LIN7A: variants seen among roughly 807,000 people sequenced by gnomAD.
The protein encoded by LIN7A is protein lin-7 homolog A.
A neutral mutation model predicts 29.8 loss-of-function variants in LIN7A; 25 were observed. The observed-to-expected ratio is 0.84, with a 90% confidence interval of 0.61 to 1.17. The LOEUF (loss-of-function observed/expected upper bound fraction) is 1.17. LIN7A is among the 50% of genes most tolerant of loss of function. LIN7A has a pLI of 0.00. For synonymous variants in LIN7A, 118 were observed against 107.5 expected, an observed-to-expected ratio of 1.10 and a Z score of -0.60; for missense variants, 239 against 287.0, an observed-to-expected ratio of 0.83 and a Z score of 1.21.
chr12:80,821,004 G>T (rs1257983555), intron 4 of LIN7A, among the ~76,000 whole-genome samples: 1 of 152,194 alleles, frequency 6.6e-6, no homozygotes, highest in Non-Finnish European at 1.5e-5. Flanking sequence ...TAGGGAAAGG[G>T]TTATGGAAGT....
chr12:80,925,338 A>G (rs1289231320), intron 1 of LIN7A, among the ~76,000 whole-genome samples: 4 of 152,226 alleles, frequency 2.6e-5, no homozygotes, highest in Admixed American at 6.5e-5. Flanking sequence ...TTATTTGAAC[A>G]TCCAGGTATC....
At chr12:80,844,499 G>C (rs1872967645) in intron 4 of LIN7A, among the ~76,000 whole-genome samples, 1 of 152,116 alleles carries the variant, frequency 6.6e-6, no homozygotes, top group African/African-American at 2.4e-5. Context: ...AATTACATTT[G>C]ATTTTGGATA....
chr12:80,816,999 C>T (rs554809687), intron 4 of LIN7A, among the ~76,000 whole-genome samples: 2 of 152,226 alleles, frequency 1.3e-5, no homozygotes, highest in African/African-American at 4.8e-5. Flanking sequence ...AACTCCTGGG[C>T]TCAAGTGATG....
intron 1 of LIN7A, among the ~76,000 whole-genome samples, chr12:80,914,832 G>A (rs903988278): frequency 6.6e-6 from 1 of 152,114 alleles, no homozygotes; most frequent in African/African-American, 2.4e-5. Flanking sequence ...CTTGAGCCTA[G>A]AAGCTTAAGA....
At chr12:80,879,645 C>CAAA (rs530877505) in intron 2 of LIN7A, among the ~76,000 whole-genome samples, 5,433 of 58,498 alleles carry the variant, frequency 0.093, 1,469 homozygotes, top group Non-Finnish European at 0.11. Flanking sequence ...TGGAGCAGCC[C>CAAA]AAAAAAAAAA....
At chr12:80,862,751 T>G (rs934290962) in intron 2 of LIN7A, among the ~76,000 whole-genome samples, 6 of 152,262 alleles carry the variant, frequency 3.9e-5, no homozygotes, top group Admixed American at 3.3e-4. Flanking sequence ...ACTAAATAGA[T>G]GGCAAAAAGC....
At chr12:80,909,725 T>C (rs1183338316) in intron 1 of LIN7A, among the ~76,000 whole-genome samples, 26 of 152,292 alleles carry the variant, frequency 1.7e-4, no homozygotes, top group Non-Finnish European at 1.0e-4. Flanking sequence ...GAAGTTATTA[T>C]TTCAACATAC....
At chr12:80,845,134 G>T (rs1565899211) in intron 4 of LIN7A, among the ~76,000 whole-genome samples, 1 of 151,714 alleles carries the variant, frequency 6.6e-6, no homozygotes, top group Non-Finnish European at 1.5e-5. Context: ...CTACTTGGGA[G>T]GCTGAGGCAG....
At position 80,845,924 on chromosome 12, in the gene LIN7A, A is replaced by G; in HGVS notation, c.289T>C (p.Phe97Leu). ...RATAKATVAAFAASEGHSHPR... is the reference protein window; with the variant it reads ...RATAKATVAALAASEGHSHPR... The stretch of plus-strand genomic sequence containing the variant: ...TGGGAGTGGCCTTCACTAGCTGCAA[A>G]AGCTGCAACTGTTGCCTGAAAAAAA... The change falls in exon 4 of 6, where the codon TTT becomes CTT. Residue 97 changes from phenylalanine to leucine, a missense_variant. Phe to Leu is a conservative substitution (Grantham distance 22, BLOSUM62 0). Transcript: ENST00000552864. 6.3e-7 allele frequency: 1 copy of G among 1,594,698 alleles called. No individual in the cohort carries two copies.
intron 1 of LIN7A, among the ~76,000 whole-genome samples, chr12:80,921,178 C>G (rs1388916374): frequency 1.3e-5 from 2 of 152,066 alleles, no homozygotes; most frequent in Non-Finnish European, 2.9e-5. Flanking sequence ...GAGGACACAG[C>G]AAGAAGGTGT....
chr12:80,932,402 C>T (rs183869329), intron 1 of LIN7A, among the ~76,000 whole-genome samples: 57 of 152,254 alleles, frequency 3.7e-4, no homozygotes, highest in East Asian at 1.4e-3. Context: ...TTTTAAATTA[C>T]GACTTATTTT....
chr12:80,818,049 G>A (rs2121515602), intron 4 of LIN7A, among the ~76,000 whole-genome samples: 1 of 152,284 alleles, frequency 6.6e-6, no homozygotes, highest in African/African-American at 2.4e-5. Flanking sequence ...ACTTTGAAAA[G>A]GCCCAGTATA....
chr12:80,933,511 T>A (rs1263986423), intron 1 of LIN7A, among the ~76,000 whole-genome samples: 1 of 152,208 alleles, frequency 6.6e-6, no homozygotes, highest in East Asian at 1.9e-4. Flanking sequence ...CAGGCCCTTC[T>A]CTGTTATTCT....
intron 2 of LIN7A, among the ~76,000 whole-genome samples, chr12:80,855,843 A>G (rs1317872534): frequency 4.6e-5 from 7 of 152,170 alleles, no homozygotes; most frequent in Admixed American, 4.6e-4. Context: ...TGTGAAAATA[A>G]CTGATTCATC....
intron 1 of LIN7A, among the ~76,000 whole-genome samples, chr12:80,909,284 G>A (rs557229209): frequency 6.6e-6 from 1 of 152,120 alleles, no homozygotes; most frequent in African/African-American, 2.4e-5. Context: ...ATATTTGTGG[G>A]CCTGTTTCTG....
At chr12:80,816,376 A>G (rs1460444400) in intron 4 of LIN7A, among the ~76,000 whole-genome samples, 1 of 151,234 alleles carries the variant, frequency 6.6e-6, no homozygotes, top group Middle Eastern at 3.2e-3. Flanking sequence ...GTGTCACTGC[A>G]CTCTAGCCTA....
At chr12:80,923,845 C>T (rs921115683) in intron 1 of LIN7A, among the ~76,000 whole-genome samples, 8 of 152,168 alleles carry the variant, frequency 5.3e-5, no homozygotes, top group Admixed American at 2.6e-4. Flanking sequence ...TTTGTTTAGC[C>T]TCTTTATGCC....
At chr12:80,884,950 G>T (rs1283170416) in intron 2 of LIN7A, among the ~76,000 whole-genome samples, 1 of 152,094 alleles carries the variant, frequency 6.6e-6, no homozygotes, top group African/African-American at 2.4e-5. Flanking sequence ...TGAAAAGCAG[G>T]AGCATGAATA....
At chr12:80,809,553 G>A (rs1871191081) in intron 5 of LIN7A, among the ~76,000 whole-genome samples, 1 of 152,136 alleles carries the variant, frequency 6.6e-6, no homozygotes, top group South Asian at 2.1e-4. Flanking sequence ...GAGTAAAAAG[G>A]AAAAGAATTC....
Sources: allele counts gnomAD v4.1 joint callset (sites outside exome capture counted in the v4.1 genomes callset), GRCh38; gene constraint gnomAD v4.1.1; transcripts MANE v1.5; gene names NCBI Gene and HGNC (gene_info 2026-07-23, HGNC 2026-07-21).